The following SGCD variants were observed in gnomAD, a reference collection of about 807,000 sequenced individuals.
The protein encoded by SGCD is delta-sarcoglycan.
In SGCD, 18 loss-of-function variants were observed where a neutral mutation model predicts 36.6. That is an observed-to-expected ratio of 0.49 (90% CI 0.34 to 0.73). The LOEUF (loss-of-function observed/expected upper bound fraction) is 0.73. SGCD is among the 30% of genes least tolerant of loss of function. The probability of loss-of-function intolerance (pLI) is 0.01; values close to 1 mark genes in which losing one functional copy is unlikely to be tolerated. For synonymous variants in SGCD, 133 were observed against 130.6 expected, an observed-to-expected ratio of 1.02 and a Z score of -0.12; for missense variants, 387 against 346.7, an observed-to-expected ratio of 1.12 and a Z score of -0.92.
At position 156,276,107 on chromosome 5, in the gene SGCD, C is replaced by T. The variant is rs371168498; in HGVS notation, c.-43-53427C>T. ...AACTCAATTCTATCAGAATGTCAAA[C>T]CTATACTGACACCCACTCCACTCTA... On this transcript the variant is annotated intron_variant, in intron 3 of 9. Coordinates refer to the SGCD transcript ENST00000517913. Among the ~76,000 whole-genome samples, 273 of 152,220 alleles carry T rather than the reference C, an allele frequency of 1.8e-3. 1 individual carries two copies. The highest frequency in any genetic ancestry group is 6.8e-3 in the Middle Eastern group (2 of 294).
intron 1 of SGCD, among the ~76,000 whole-genome samples, chr5:155,992,338 T>G (rs1758449222): frequency 6.6e-6 from 1 of 152,138 alleles, no homozygotes; most frequent in African/African-American, 2.4e-5. Flanking sequence ...AGGGTACATG[T>G]TTTTCACTAG....
At chr5:156,268,132 C>T (rs1475799054) in intron 3 of SGCD, among the ~76,000 whole-genome samples, 3 of 152,202 alleles carry the variant, frequency 2.0e-5, no homozygotes, top group Non-Finnish European at 1.5e-5. Context: ...ATAATGGCCT[C>T]AGCTCCATCC....
At chr5:156,346,437 T>C (rs1334763890) in intron 3 of SGCD, among the ~76,000 whole-genome samples, 2 of 152,108 alleles carry the variant, frequency 1.3e-5, no homozygotes, top group African/African-American at 4.8e-5. Flanking sequence ...TAGATAGAAC[T>C]AGAGACACAC....
At chr5:156,645,836 A>C (rs1231348693) in intron 6 of SGCD, among the ~76,000 whole-genome samples, 3 of 152,198 alleles carry the variant, frequency 2.0e-5, no homozygotes, top group Non-Finnish European at 2.9e-5. Context: ...AAAATGCTTT[A>C]AAAATGTTAT....
chr5:155,728,112 G>A, the SGCD span, among the ~76,000 whole-genome samples: 2 of 152,140 alleles, frequency 1.3e-5, no homozygotes, highest in African/African-American at 2.4e-5. Context: ...GAGGAGCCCC[G>A]CGCCTTCGGG....
intron 3 of SGCD, among the ~76,000 whole-genome samples, chr5:156,205,437 C>T (rs1764252169): frequency 6.6e-6 from 1 of 151,982 alleles, no homozygotes; most frequent in African/African-American, 2.4e-5. Context: ...AGAAGAGAAG[C>T]TTAGAAAGGT....
chr5:156,722,366 G>A (rs1755551351), intron 7 of SGCD, among the ~76,000 whole-genome samples: 1 of 152,138 alleles, frequency 6.6e-6, no homozygotes, highest in Admixed American at 6.6e-5. Context: ...TTTGATTCTT[G>A]GCAGACATAG....
chr5:156,165,975 A>G (rs188843896), intron 3 of SGCD, among the ~76,000 whole-genome samples: 35 of 152,344 alleles, frequency 2.3e-4, no homozygotes, highest in African/African-American at 8.2e-4. Context: ...ATGACAACAC[A>G]GCATTTTTGT....
chr5:156,628,699 A>G (rs1762520559), intron 6 of SGCD, among the ~76,000 whole-genome samples: 1 of 152,224 alleles, frequency 6.6e-6, no homozygotes, highest in African/African-American at 2.4e-5. Context: ...AACCTCAGAA[A>G]AGAAATAACT....
At chr5:156,221,948 T>G (rs1764726864) in intron 3 of SGCD, among the ~76,000 whole-genome samples, 1 of 151,944 alleles carries the variant, frequency 6.6e-6, no homozygotes, top group Non-Finnish European at 1.5e-5. Flanking sequence ...CTAAAATGAG[T>G]GATGGAAACA....
chr5:156,147,474 T>A (rs1762731933), intron 3 of SGCD, among the ~76,000 whole-genome samples: 1 of 152,220 alleles, frequency 6.6e-6, no homozygotes. Flanking sequence ...ATGTCATACA[T>A]CTATTACAGC....
chr5:156,626,107 G>C (rs1762430114), intron 6 of SGCD, among the ~76,000 whole-genome samples: 1 of 152,172 alleles, frequency 6.6e-6, no homozygotes, highest in Non-Finnish European at 1.5e-5. Context: ...GCATCCTACA[G>C]TGCACAAGAC....
At chr5:156,566,052 C>T (rs904183550) in intron 4 of SGCD, among the ~76,000 whole-genome samples, 3 of 152,062 alleles carry the variant, frequency 2.0e-5, no homozygotes, top group Admixed American at 1.3e-4. Flanking sequence ...TGAACAGACA[C>T]TTCACAAAAG....
chr5:156,728,969 G>A (rs1167546668), intron 7 of SGCD, among the ~76,000 whole-genome samples: 2 of 152,300 alleles, frequency 1.3e-5, no homozygotes, highest in African/African-American at 4.8e-5. Context: ...TCAGGAAGAA[G>A]CCCTTGAAAC....
At chr5:156,023,909 G>A (rs987956796) in intron 1 of SGCD, among the ~76,000 whole-genome samples, 3 of 152,146 alleles carry the variant, frequency 2.0e-5, no homozygotes, top group Admixed American at 6.5e-5. Flanking sequence ...TGACTTTGAC[G>A]CTTCTCAAGA....
the SGCD span, among the ~76,000 whole-genome samples, chr5:155,781,805 A>G: frequency 2.2e-4 from 34 of 151,958 alleles, no homozygotes; most frequent in Admixed American, 1.3e-4. Flanking sequence ...GTATTCTTCA[A>G]ACTACTTGAT....
intron 2 of SGCD, among the ~76,000 whole-genome samples, chr5:156,122,212 T>A (rs755350711): frequency 4.6e-5 from 7 of 152,270 alleles, no homozygotes; most frequent in African/African-American, 9.6e-5. Context: ...ATTCATTCAT[T>A]CAAAAAATAT....
intron 3 of SGCD, among the ~76,000 whole-genome samples, chr5:156,133,301 CT>C (rs796932726): frequency 3.7e-4 from 57 of 152,218 alleles, no homozygotes; most frequent in African/African-American, 1.3e-3. Flanking sequence ...CTATAAAATA[CT>C]TTTTGCTGAA....
At chr5:156,610,726 C>T (rs1328822516) in intron 6 of SGCD, among the ~76,000 whole-genome samples, 2 of 152,254 alleles carry the variant, frequency 1.3e-5, no homozygotes, top group African/African-American at 2.4e-5. Flanking sequence ...GTTACTTACT[C>T]AAGCCTCGGC....
Sources: allele counts gnomAD v4.1 joint callset (sites outside exome capture counted in the v4.1 genomes callset), GRCh38; gene constraint gnomAD v4.1.1; transcripts MANE v1.5; gene names NCBI Gene and HGNC (gene_info 2026-07-23, HGNC 2026-07-21).